Variants in HS3ST5 observed in about 807,000 individuals in gnomAD.
HS3ST5 encodes heparan sulfate-glucosamine 3-sulfotransferase 5.
Under a neutral mutation model 25.4 loss-of-function variants are expected in HS3ST5, and 10 were observed. The observed-to-expected ratio is 0.39, with a 90% CI of 0.24 to 0.67. The LOEUF is 0.67. HS3ST5 is among the 30% of genes least tolerant of loss of function. HS3ST5 has a pLI of 0.44. For synonymous variants in HS3ST5, 170 were observed against 162.4 expected, an observed-to-expected ratio of 1.05 and a Z score of -0.36; for missense variants, 324 against 420.7, an observed-to-expected ratio of 0.77 and a Z score of 2.01.
intron 3 of HS3ST5, among the ~76,000 whole-genome samples, chr6:114,120,094 G>A (rs7754253): frequency 0.058 from 8,801 of 152,184 alleles, 313 homozygotes; most frequent in Non-Finnish European, 0.08. Context: ...GTAGTGAGCC[G>A]AGATCGTGCC....
At chr6:114,305,243 T>C (rs181630186) in intron 1 of HS3ST5, among the ~76,000 whole-genome samples, 2 of 152,272 alleles carry the variant, frequency 1.3e-5, no homozygotes, top group Admixed American at 6.5e-5. Flanking sequence ...CAGGAAAGTC[T>C]TTACATATTC....
intron 1 of HS3ST5, among the ~76,000 whole-genome samples, chr6:114,315,905 G>T (rs994037377): frequency 2.0e-5 from 3 of 152,072 alleles, no homozygotes; most frequent in African/African-American, 7.2e-5. Flanking sequence ...TGTCTGAGTT[G>T]TTGCTAACAG....
intron 2 of HS3ST5, among the ~76,000 whole-genome samples, chr6:114,207,595 C>T (rs954056325): frequency 1.3e-5 from 2 of 152,010 alleles, no homozygotes; most frequent in Admixed American, 1.3e-4. Context: ...TCAGATTATC[C>T]TGCTCTATAA....
At chr6:114,319,834 C>T (rs188365205) in intron 1 of HS3ST5, among the ~76,000 whole-genome samples, 7 of 152,014 alleles carry the variant, frequency 4.6e-5, no homozygotes, top group South Asian at 2.1e-4. Flanking sequence ...TGTATGAGTA[C>T]GTCTTTAAGT....
In HS3ST5 at chr6:114,233,098, CAG is replaced by C. The variant is rs559169302; in HGVS notation, c.-338-4322_-338-4321del. 8.6e-5 allele frequency among the ~76,000 whole-genome samples: 13 copies of C among 150,836 alleles called. No homozygotes were observed. In the East Asian group the frequency reaches 1.4e-3, roughly 16 times the overall value. On this transcript the variant is annotated intron_variant, in intron 1 of 4. Coordinates refer to ENST00000312719, the MANE Select transcript of HS3ST5 (RefSeq NM_153612.4). ...TCATTTTTAGATACCCAACATTCAGCAGAGTCTTTAATACATAGTAGGCACTC... is the reference window on the plus strand; with the variant it reads ...TCATTTTTAGATACCCAACATTCAGCAGTCTTTAATACATAGTAGGCACTC...
chr6:114,089,715 T>G lies in HS3ST5; in HGVS notation c.-32-26838A>C, dbSNP rs538819919. Among the ~76,000 whole-genome samples the G allele has an allele frequency of 3.3e-5, 5 of 152,340 alleles. No homozygotes were observed. The South Asian group carries it at 1.0e-3, about 32-fold the overall frequency. On this transcript the variant is annotated intron_variant, in intron 3 of 4. Coordinates refer to ENST00000312719, the MANE Select transcript of HS3ST5 (RefSeq NM_153612.4). ...TGCTTCTCTGATTGCTTCTCATTAT[T>G]AATTGTATTGGATAAGAGCACAGAT...
At chr6:114,257,605 A>G (rs1772988667) in intron 1 of HS3ST5, among the ~76,000 whole-genome samples, 2 of 152,204 alleles carry the variant, frequency 1.3e-5, no homozygotes, top group South Asian at 4.1e-4. Flanking sequence ...TATACTAAGA[A>G]TACCCTGGTT....
At chr6:114,069,555 T>G (rs1379313678) in intron 3 of HS3ST5, among the ~76,000 whole-genome samples, 2 of 149,612 alleles carry the variant, frequency 1.3e-5, no homozygotes, top group African/African-American at 4.9e-5. Flanking sequence ...AGTCTCGCTC[T>G]GTCGCCAGGC....
At chr6:114,205,581 C>T (rs1157835574) in intron 2 of HS3ST5, among the ~76,000 whole-genome samples, 4 of 152,156 alleles carry the variant, frequency 2.6e-5, no homozygotes, top group Non-Finnish European at 4.4e-5. Context: ...GATGATTTAA[C>T]TCAATCACCA....
chr6:114,225,907 A>C (rs139303366), intron 2 of HS3ST5, among the ~76,000 whole-genome samples: 18 of 152,066 alleles, frequency 1.2e-4, no homozygotes, highest in African/African-American at 3.9e-4. Context: ...TTATGCTTAC[A>C]ACATAAGGGC....
At chr6:114,331,852 GAATTT>G (rs1384840165) in intron 1 of HS3ST5, among the ~76,000 whole-genome samples, 1 of 152,042 alleles carries the variant, frequency 6.6e-6, no homozygotes, top group Non-Finnish European at 1.5e-5. Context: ...CATGGTAAAA[GAATTT>G]AATTTCATAC....
chr6:114,185,751 T>G (rs578245970), intron 2 of HS3ST5, among the ~76,000 whole-genome samples: 2 of 151,730 alleles, frequency 1.3e-5, no homozygotes, highest in East Asian at 3.9e-4. Context: ...CTTTTTTTTT[T>G]TTTTTTGAGA....
At chr6:114,307,685 G>T (rs558064774) in intron 1 of HS3ST5, among the ~76,000 whole-genome samples, 1 of 152,048 alleles carries the variant, frequency 6.6e-6, no homozygotes, top group South Asian at 2.1e-4. Flanking sequence ...AGATGAATTG[G>T]CGTTTACTAG....
intron 1 of HS3ST5, among the ~76,000 whole-genome samples, chr6:114,318,530 G>A (rs1775835992): frequency 6.6e-6 from 1 of 151,928 alleles, no homozygotes; most frequent in Admixed American, 6.6e-5. Flanking sequence ...GCCCACTAAG[G>A]CTCTTCACAG....
chr6:114,093,715 C>T (rs1775269653), intron 3 of HS3ST5, among the ~76,000 whole-genome samples: 1 of 151,880 alleles, frequency 6.6e-6, no homozygotes, highest in South Asian at 2.1e-4. Flanking sequence ...ATGGACAACC[C>T]AAGCTGGAAC....
intron 3 of HS3ST5, among the ~76,000 whole-genome samples, chr6:114,082,281 G>A (rs184064806): frequency 1.3e-4 from 20 of 152,288 alleles, no homozygotes; most frequent in Non-Finnish European, 2.4e-4. Context: ...TCATCCTAAT[G>A]ATCAGCTGTT....
intron 2 of HS3ST5, among the ~76,000 whole-genome samples, chr6:114,194,003 G>A (rs1446811035): frequency 3.9e-5 from 6 of 152,114 alleles, no homozygotes; most frequent in Admixed American, 2.6e-4. Flanking sequence ...TAAGTGCAAG[G>A]AACATACTGT....
intron 3 of HS3ST5, among the ~76,000 whole-genome samples, chr6:114,158,372 G>A (rs528568407): frequency 2.0e-5 from 3 of 152,324 alleles, no homozygotes; most frequent in South Asian, 2.1e-4. Flanking sequence ...GAGGTTGGAA[G>A]AATACTCATC....
At chr6:114,252,639 G>C (rs534843769) in intron 1 of HS3ST5, among the ~76,000 whole-genome samples, 160 of 142,228 alleles carry the variant, frequency 1.1e-3, no homozygotes, top group African/African-American at 4.0e-3. Context: ...GCCTTCTTTT[G>C]AAAAAAAAAA....
Sources: allele counts gnomAD v4.1 joint callset (sites outside exome capture counted in the v4.1 genomes callset), GRCh38; gene constraint gnomAD v4.1.1; transcripts MANE v1.5; gene names NCBI Gene and HGNC (gene_info 2026-07-23, HGNC 2026-07-21).